COPG2: variants seen among roughly 807,000 people sequenced by gnomAD.
The protein encoded by COPG2 is coatomer subunit gamma-2.
Under a neutral mutation model 46.3 loss-of-function variants are expected in COPG2, and 37 were observed. The ratio of observed to expected loss-of-function variants is 0.80; its 90% confidence interval spans 0.61 to 1.05. The LOEUF is 1.05. COPG2 is among the 50% of genes least tolerant of loss of function. The pLI, the probability that COPG2 is intolerant of heterozygous loss-of-function variation, is 0.00. For missense variants in COPG2, 427 were observed against 387.8 expected, an observed-to-expected ratio of 1.10 and a Z score of -0.85; for synonymous variants, 159 against 129.7, an observed-to-expected ratio of 1.23 and a Z score of -1.53.
At chr7:130,513,308 A>ATATATATATAT (rs1554441290) in intron 20 of COPG2, among the ~76,000 whole-genome samples, 7 of 55,664 alleles carry the variant, frequency 1.3e-4, no homozygotes, top group African/African-American at 3.8e-4. Flanking sequence ...AAAAAAAAAA[A>ATATATATATAT]ATATATATAT....
At chr7:130,532,457 G>A (rs1356326134) in intron 20 of COPG2, among the ~76,000 whole-genome samples, 1 of 151,902 alleles carries the variant, frequency 6.6e-6, no homozygotes, top group Non-Finnish European at 1.5e-5. Context: ...GAGGGAGGAG[G>A]CAGGAGGAGG....
intron 5 of COPG2, among the ~76,000 whole-genome samples, chr7:130,638,151 G>A (rs567396570): frequency 2.6e-5 from 4 of 152,158 alleles, no homozygotes; most frequent in Non-Finnish European, 5.9e-5. Context: ...CCTGTATGAG[G>A]TGTCTGTTGA....
chr7:130,629,680 G>A (rs1162895919), intron 5 of COPG2, among the ~76,000 whole-genome samples: 6 of 152,146 alleles, frequency 3.9e-5, no homozygotes, highest in Admixed American at 6.5e-5. Flanking sequence ...ACAAGTTTGC[G>A]CCACCACGCC....
chr7:130,609,615 T>A (rs1369811771), intron 9 of COPG2, among the ~76,000 whole-genome samples: 9 of 152,368 alleles, frequency 5.9e-5, no homozygotes, highest in Admixed American at 4.6e-4. Flanking sequence ...TTTCCTTTCC[T>A]TCTGAGACTC....
intron 20 of COPG2, among the ~76,000 whole-genome samples, chr7:130,542,957 T>C (rs1308387105): frequency 3.9e-5 from 6 of 152,044 alleles, no homozygotes; most frequent in Non-Finnish European, 7.4e-5. Context: ...TTTTAGGGAA[T>C]AGAAGTTAAA....
intron 9 of COPG2, among the ~76,000 whole-genome samples, chr7:130,577,071 A>C (rs960114810): frequency 2.6e-5 from 4 of 152,260 alleles, no homozygotes; most frequent in African/African-American, 7.2e-5. Flanking sequence ...AGGAAGAATT[A>C]GATCCCCTGA....
In COPG2 at chr7:130,507,364, T is replaced by C. The variant is rs1554440315; in HGVS notation, c.2395A>G (p.Asn799Asp). The change falls in exon 23 of 24, where the codon AAC becomes GAC. Residue 799 changes from asparagine to aspartate, a missense_variant. By Grantham distance (23) the Asn-to-Asp change is conservative. Coordinates refer to ENST00000425248, the MANE Select transcript of COPG2 (RefSeq NM_012133.6). ...ATGCCCAGAAATGTGATGATATTGT[T>C]GACAGCCTCTGTGTTGAGAAGATGT... The part of the protein sequence containing the change: ...SSTKTLEEAV[N>D]NIITFLGMQP... The C allele has an allele frequency of 1.3e-6, 1 of 780,654 alleles. No individual in the cohort carries two copies. The highest frequency in any genetic ancestry group is 2.4e-6 in the Non-Finnish European group (1 of 417,836). The allele number at this position is 780,654 out of a possible 1,614,324, so 48.4% of individuals were successfully genotyped here. A position where few individuals can be genotyped will look rare whatever the true frequency, so the allele number is the denominator to read the frequency against.
chr7:130,647,639 A>C (rs1317369347), intron 5 of COPG2, among the ~76,000 whole-genome samples: 1 of 151,942 alleles, frequency 6.6e-6, no homozygotes, highest in Non-Finnish European at 1.5e-5. Context: ...AATTGTTCCA[A>C]ATGTTCGATA....
At position 130,556,765 on chromosome 7, in the gene COPG2, T is replaced by G. The variant is rs1793632688; in HGVS notation, c.1129-1633A>C. On this transcript the variant is annotated intron_variant, in intron 12 of 23. Transcript: ENST00000425248. ...AATTGATAAAATAACATCACATTCA[T>G]GAGTCAAAGGATTATATCCAAAATG... 4.6e-5 allele frequency among the ~76,000 whole-genome samples: 7 copies of G among 152,234 alleles called. No homozygotes were observed. In the South Asian group the frequency reaches 1.5e-3, roughly 32 times the overall value.
intron 20 of COPG2, among the ~76,000 whole-genome samples, chr7:130,532,150 T>C (rs1799832577): frequency 6.6e-6 from 1 of 152,116 alleles, no homozygotes; most frequent in East Asian, 1.9e-4. Flanking sequence ...GGGTCAAGAC[T>C]GTCAGGTGTG....
chr7:130,594,936 C>T (rs192634497), intron 9 of COPG2, among the ~76,000 whole-genome samples: 1 of 152,250 alleles, frequency 6.6e-6, no homozygotes, highest in East Asian at 1.9e-4. Context: ...GGTGCAGCCC[C>T]CTTGGAAAAC....
chr7:130,647,026 T>C (rs997771831), intron 5 of COPG2, among the ~76,000 whole-genome samples: 15 of 142,708 alleles, frequency 1.1e-4, no homozygotes, highest in South Asian at 4.4e-4. Flanking sequence ...TATATATATG[T>C]GTATATATAT....
intron 6 of COPG2, among the ~76,000 whole-genome samples, chr7:130,614,730 T>C (rs1794916468): frequency 6.6e-6 from 1 of 152,220 alleles, no homozygotes; most frequent in Non-Finnish European, 1.5e-5. Flanking sequence ...GTGAATAGCC[T>C]GGCCAACATG....
intron 20 of COPG2, among the ~76,000 whole-genome samples, chr7:130,532,019 C>T (rs894132895): frequency 2.6e-5 from 4 of 152,134 alleles, no homozygotes; most frequent in Non-Finnish European, 5.9e-5. Flanking sequence ...TCTGATAGGC[C>T]GCCTTGGGGT....
intron 9 of COPG2, among the ~76,000 whole-genome samples, chr7:130,593,953 C>T (rs561533432): frequency 6.6e-6 from 1 of 152,064 alleles, no homozygotes; most frequent in South Asian, 2.1e-4. Flanking sequence ...CTTACACTTA[C>T]GGAGCTCTGT....
rs1007153772 is a variant in COPG2, at chr7:130,533,516, G to A, written c.2149+14158C>T. 2.0e-3 allele frequency among the ~76,000 whole-genome samples: 301 copies of A among 152,156 alleles called. 1 individual carries two copies. The highest frequency in any genetic ancestry group is 6.9e-3 in the African/African-American group (286 of 41,512). ...GGCACCTCAGAAATGTTGGGACAAT[G>A]TATCAGTGAGGGAGAAGGTGAGAGG... On this transcript the variant is annotated intron_variant, in intron 20 of 23. Coordinates refer to ENST00000425248, the MANE Select transcript of COPG2 (RefSeq NM_012133.6).
intron 20 of COPG2, among the ~76,000 whole-genome samples, chr7:130,542,723 G>A (rs1250633261): frequency 6.6e-6 from 1 of 152,202 alleles, no homozygotes; most frequent in Admixed American, 6.5e-5. Context: ...TTCTAAGGCA[G>A]TTATTGGGAT....
At chr7:130,590,016 A>G (rs985238230) in intron 9 of COPG2, among the ~76,000 whole-genome samples, 4 of 152,148 alleles carry the variant, frequency 2.6e-5, no homozygotes, top group Non-Finnish European at 4.4e-5. Flanking sequence ...TTTTTGTTGT[A>G]AAAACTATCA....
intron 20 of COPG2, among the ~76,000 whole-genome samples, chr7:130,513,997 G>C (rs557024320): frequency 6.6e-6 from 1 of 152,316 alleles, no homozygotes; most frequent in Non-Finnish European, 1.5e-5. Context: ...GAGTAGGTAA[G>C]CGTAGGTGGA....
Sources: gnomAD v4.1 joint callset for allele counts (sites outside exome capture counted in the v4.1 genomes callset) on GRCh38, gnomAD v4.1.1 for gene constraint, MANE v1.5 for transcripts, NCBI Gene and HGNC (gene_info 2026-07-23, HGNC 2026-07-21) for gene names.